Variants in SYT17 observed in about 807,000 individuals in gnomAD.
SYT17 encodes the protein synaptotagmin 17, also known as synaptotagmin-17.
In SYT17, 22 loss-of-function variants were observed where a neutral mutation model predicts 46.7. That is an observed-to-expected ratio of 0.47 (90% CI 0.34 to 0.67). SYT17 has a LOEUF of 0.67. Among genes scored for constraint, SYT17 ranks in the 30% least tolerant of loss-of-function variants. The pLI, the probability that SYT17 is intolerant of heterozygous loss-of-function variation, is 0.01. For synonymous variants in SYT17, 251 were observed against 248.4 expected (o/e 1.01, Z -0.10); for missense variants, 519 against 612.8 (o/e 0.85, Z 1.62).
intron 7 of SYT17, among the ~76,000 whole-genome samples, chr16:19,255,823 G>A (rs1346566506): frequency 6.6e-6 from 1 of 152,116 alleles, no homozygotes; most frequent in Non-Finnish European, 1.5e-5. Context: ...TGCAGACCAC[G>A]ACAAAGAGGG....
chr16:19,266,089 C>T (rs897937774), intron 7 of SYT17, among the ~76,000 whole-genome samples: 1 of 152,212 alleles, frequency 6.6e-6, no homozygotes, highest in Non-Finnish European at 1.5e-5. Flanking sequence ...GCACATTGAC[C>T]TATGAGAGAA....
At chr16:19,207,903 A>G (rs1013165617) in intron 5 of SYT17, among the ~76,000 whole-genome samples, 8 of 151,862 alleles carry the variant, frequency 5.3e-5, no homozygotes, top group Admixed American at 3.3e-4. Flanking sequence ...GTCTGTAACA[A>G]AACAGGAAAA....
intron 7 of SYT17, among the ~76,000 whole-genome samples, chr16:19,237,866 C>T (rs973332040): frequency 6.6e-6 from 1 of 152,212 alleles, no homozygotes; most frequent in African/African-American, 2.4e-5. Context: ...CCCGTGTCAC[C>T]CCACTATGGC....
intron 7 of SYT17, among the ~76,000 whole-genome samples, chr16:19,259,064 A>C (rs1968781809): frequency 6.6e-6 from 1 of 152,096 alleles, no homozygotes; most frequent in African/African-American, 2.4e-5. Flanking sequence ...CAAATTCCTA[A>C]AAGTGGAATA....
At chr16:19,254,902 A>G (rs1366207590) in intron 7 of SYT17, among the ~76,000 whole-genome samples, 3 of 152,172 alleles carry the variant, frequency 2.0e-5, no homozygotes, top group African/African-American at 7.2e-5. Flanking sequence ...ATGTGGCTCA[A>G]TCTCCACACT....
chr16:19,170,228 C>A (rs1260191830), intron 1 of SYT17: 1 of 152,038 alleles, frequency 6.6e-6, no homozygotes, highest in Non-Finnish European at 1.5e-5. Context: ...GTGGGCGTGG[C>A]TGTGTTCCAA....
chr16:19,235,349 T>C (rs1966839088), intron 7 of SYT17, among the ~76,000 whole-genome samples: 1 of 152,176 alleles, frequency 6.6e-6, no homozygotes, highest in Admixed American at 6.5e-5. Flanking sequence ...GAGGGGCAGA[T>C]ACAAATAGCA....
At chr16:19,261,841 C>A (rs964115446) in intron 7 of SYT17, among the ~76,000 whole-genome samples, 2 of 152,122 alleles carry the variant, frequency 1.3e-5, no homozygotes, top group African/African-American at 2.4e-5. Context: ...TTAATGGCAA[C>A]ATGGATTTCC....
intron 7 of SYT17, among the ~76,000 whole-genome samples, chr16:19,265,275 T>A (rs2023762): frequency 6.6e-6 from 1 of 152,002 alleles, no homozygotes; most frequent in East Asian, 1.9e-4. Context: ...GTAATTTGCA[T>A]GTAAATGAGG....
chr16:19,191,176 T>TA (rs895239338), intron 5 of SYT17, among the ~76,000 whole-genome samples: 1,464 of 145,218 alleles, frequency 0.01, 15 homozygotes, highest in African/African-American at 0.032. Flanking sequence ...AAGTTTAATC[T>TA]AAAAAAAAAA....
chr16:19,168,307 G>C lies in SYT17; in HGVS notation c.-340G>C. 1 of 365,052 alleles carries C rather than the reference G, an allele frequency of 2.7e-6. No individual in the cohort carries two copies. Among genetic ancestry groups the C allele is most frequent in the Non-Finnish European group, 5.0e-6 (1 of 201,964 alleles). The allele number at this position is 365,052 out of a possible 1,614,324, so 22.6% of individuals were successfully genotyped here. ...CGCTGCAGTCCCCGCAGCTGCCCCG[G>C]GCTGCTTGCCCAGGCGCCCCGGCCT... On this transcript the variant is annotated 5_prime_UTR_variant, in exon 1 of 8. Coordinates refer to ENST00000355377, the MANE Select transcript of SYT17 (RefSeq NM_016524.4). This position sits in a 1 kb window ranked among gnomAD's most constrained non-coding sequence, Gnocchi z 6.9.
intron 7 of SYT17, among the ~76,000 whole-genome samples, chr16:19,238,426 C>T (rs189562060): frequency 6.6e-6 from 1 of 152,190 alleles, no homozygotes; most frequent in Non-Finnish European, 1.5e-5. Flanking sequence ...TAGACCTGAC[C>T]TGTTACCCTG....
At chr16:19,217,262 C>A (rs772090493) in intron 5 of SYT17, among the ~76,000 whole-genome samples, 1 of 151,990 alleles carries the variant, frequency 6.6e-6, no homozygotes, top group Non-Finnish European at 1.5e-5. Flanking sequence ...GTGCAACCAT[C>A]ACCTCTATCT....
chr16:19,252,875 A>T (rs1205244429), intron 7 of SYT17, among the ~76,000 whole-genome samples: 2 of 152,120 alleles, frequency 1.3e-5, no homozygotes, highest in Admixed American at 6.6e-5. Flanking sequence ...CTAGGTGGTT[A>T]TGTGTAGTCC....
intron 5 of SYT17, among the ~76,000 whole-genome samples, chr16:19,208,050 A>G (rs1965740671): frequency 6.6e-6 from 1 of 152,230 alleles, no homozygotes; most frequent in South Asian, 2.1e-4. Flanking sequence ...TAGTATAGCA[A>G]AGCACCTCTT....
chr16:19,252,799 C>T (rs902698808), intron 7 of SYT17, among the ~76,000 whole-genome samples: 5 of 151,766 alleles, frequency 3.3e-5, no homozygotes, highest in South Asian at 2.1e-4. Flanking sequence ...TTGGGTGCCA[C>T]CTCCAGAGAC....
intron 5 of SYT17, among the ~76,000 whole-genome samples, chr16:19,210,720 ATGT>A (rs1965866880): frequency 6.6e-6 from 1 of 152,142 alleles, no homozygotes; most frequent in Admixed American, 6.6e-5. Flanking sequence ...TTCTATTTTA[ATGT>A]TGTTTGTGCA....
At chr16:19,235,701 AATG>A (rs1336138454) in intron 7 of SYT17, among the ~76,000 whole-genome samples, 4 of 152,348 alleles carry the variant, frequency 2.6e-5, no homozygotes, top group African/African-American at 4.8e-5. Flanking sequence ...TCTTGAAAAG[AATG>A]ATAAGGTAGA....
In SYT17 at chr16:19,168,398, C is replaced by T. The variant is rs2142481295; in HGVS notation, c.-249C>T. 1 of 564,238 alleles carries T rather than the reference C, an allele frequency of 1.8e-6. No homozygotes were observed. Among genetic ancestry groups the T allele is most frequent in the South Asian group, 2.1e-5 (1 of 47,500 alleles). The allele number at this position is 564,238 out of a possible 1,614,324, so 35.0% of individuals were successfully genotyped here. A position where few individuals can be genotyped will look rare whatever the true frequency, so the allele number is the denominator to read the frequency against. On this transcript the variant is annotated 5_prime_UTR_variant, in exon 1 of 8. Coordinates refer to ENST00000355377, the MANE Select transcript of SYT17 (RefSeq NM_016524.4). This position sits in a 1 kb window ranked among gnomAD's most constrained non-coding sequence, Gnocchi z 6.9. ...AGCGAGGGAGGCCGAGGCGGGGGCC[C>T]TGGGCGCCCGATATCTCCGAACCGG...
Sources: allele counts gnomAD v4.1 joint callset (sites outside exome capture counted in the v4.1 genomes callset), GRCh38; gene constraint gnomAD v4.1.1; non-coding constraint Gnocchi (gnomAD v3.1); transcripts MANE v1.5; gene names NCBI Gene and HGNC (gene_info 2026-07-23, HGNC 2026-07-21).